NDE1: variants seen among roughly 807,000 people sequenced by gnomAD.
The protein encoded by NDE1 is nudE neurodevelopment protein 1, also known as nuclear distribution protein nudE homolog 1.
A neutral mutation model predicts 43.4 loss-of-function variants in NDE1; 28 were observed. The ratio of observed to expected loss-of-function variants is 0.65; its 90% CI spans 0.48 to 0.89. The LOEUF (loss-of-function observed/expected upper bound fraction) is 0.89, where lower values mean the gene tolerates loss of function less well. NDE1 is among the 40% of genes least tolerant of loss of function. The pLI, the probability that NDE1 is intolerant of heterozygous loss-of-function variation, is 0.00. For synonymous variants in NDE1, 184 were observed against 172.0 expected (o/e 1.07, Z -0.55); for missense variants, 441 against 434.1 (o/e 1.02, Z -0.14).
Position 15,718,448 on chromosome 16 carries a change from G to A in NDE1, c.948-5743G>A, listed in dbSNP as rs757411784. On this transcript the variant is annotated intron_variant, in intron 8 of 8. Coordinates refer to ENST00000396354, the MANE Select transcript of NDE1 (RefSeq NM_017668.3). Reference sequence around the variant, plus strand: ...GTCCTGGAGTGCGTTCCTGGGGGAAGGGCGGCCATGGTGGGGGCCTCTACC... The same window carrying A: ...GTCCTGGAGTGCGTTCCTGGGGGAAAGGCGGCCATGGTGGGGGCCTCTACC... 3 of 1,550,490 alleles carry A rather than the reference G, an allele frequency of 1.9e-6. No individual in the cohort carries two copies. The highest frequency in any genetic ancestry group is 3.8e-5 in the Admixed American group (2 of 52,480).
At chr16:15,692,117 C>G (rs199717122) in intron 6 of NDE1, among the ~76,000 whole-genome samples, 1 of 151,934 alleles carries the variant, frequency 6.6e-6, no homozygotes, top group Admixed American at 6.6e-5. Context: ...TGACAGCTTC[C>G]GATCAGGCCT....
intron 8 of NDE1, chr16:15,719,170 G>A (rs368824547): frequency 1.3e-6 from 2 of 1,532,206 alleles, no homozygotes; most frequent in Non-Finnish European, 1.8e-6. Context: ...GATGCTGCCT[G>A]TCCCCCCATC....
intron 7 of NDE1, 124 bp from the exon 8 acceptor site, chr16:15,696,585 C>G (rs1186668029): frequency 1.9e-6 from 3 of 1,561,644 alleles, no homozygotes; most frequent in Non-Finnish European, 2.6e-6. Flanking sequence ...GGGGTCCCAC[C>G]TTGGAATTCC....
chr16:15,665,525 GCCTCC>G, intron 2 of NDE1, among the ~76,000 whole-genome samples: 1 of 151,352 alleles, frequency 6.6e-6, no homozygotes, highest in Non-Finnish European at 1.5e-5. Context: ...GCTCACTGCA[GCCTCC>G]ACCTCTGGGT....
intron 8 of NDE1, among the ~76,000 whole-genome samples, chr16:15,715,702 T>C (rs1274454597): frequency 1.3e-5 from 2 of 152,128 alleles, no homozygotes; most frequent in African/African-American, 2.4e-5. Flanking sequence ...ATGCCTGCTC[T>C]TCACCCTAGT....
At chr16:15,714,842 A>G in intron 8 of NDE1, 1 of 1,594,080 alleles carries the variant, frequency 6.3e-7, no homozygotes, top group Non-Finnish European at 8.6e-7. Flanking sequence ...GGCCGAAAGG[A>G]GCCCGAGCCC....
chr16:15,667,634 T>TG lies in NDE1; in HGVS notation c.237+195_237+196insG, dbSNP rs1400276402. On this transcript the variant is annotated intron_variant, in intron 3 of 8. Transcript: ENST00000396354. Reference sequence around the variant, plus strand: ...TAGTGGGTGGTGCTTTTTGTTTTGTTTTTTTTTTTTTTTTGAGATGGAGTT... The same window carrying TG: ...TAGTGGGTGGTGCTTTTTGTTTTGTTGTTTTTTTTTTTTTTGAGATGGAGTT... Among the ~76,000 whole-genome samples the TG allele has an allele frequency of 2.3e-4, 30 of 133,290 alleles. 2 individuals carry two copies. Among genetic ancestry groups the TG allele is most frequent in the Admixed American group, 2.6e-4 (3 of 11,632 alleles). The allele number at this position is 133,290 out of a possible 152,430, so 87.4% of individuals were successfully genotyped here.
In NDE1 at chr16:15,703,313, A is replaced by T. The variant is rs2039285410; in HGVS notation, c.947+6453A>T. Reference sequence around the variant, plus strand: ...GTGGAAACCAGGAGAGGGGGAAAGAATTCTCAAAGGCCTGACGTGAGAAGT... The same window carrying T: ...GTGGAAACCAGGAGAGGGGGAAAGATTTCTCAAAGGCCTGACGTGAGAAGT... On this transcript the variant is annotated intron_variant, in intron 8 of 8. Transcript: ENST00000396354. The T allele has an allele frequency of 1.3e-5, 3 of 228,932 alleles. No individual in the cohort carries two copies. In the Admixed American group the frequency reaches 1.6e-4, roughly 12 times the overall value. The allele number at this position is 228,932 out of a possible 1,614,324, so 14.2% of individuals were successfully genotyped here.
At chr16:15,664,073 A>T (rs1417308799) in intron 1 of NDE1, among the ~76,000 whole-genome samples, 1 of 151,974 alleles carries the variant, frequency 6.6e-6, no homozygotes, top group African/African-American at 2.4e-5. Context: ...TGTCTCAAAT[A>T]ATAATTATAA....
intron 3 of NDE1, among the ~76,000 whole-genome samples, chr16:15,676,748 C>T (rs184925472): frequency 6.6e-6 from 1 of 152,138 alleles, no homozygotes; most frequent in Non-Finnish European, 1.5e-5. Flanking sequence ...ACTGCAGCTT[C>T]GACCTCTCAG....
chr16:15,689,024 G>T (rs543090547), intron 5 of NDE1, among the ~76,000 whole-genome samples: 1 of 151,998 alleles, frequency 6.6e-6, no homozygotes, highest in Non-Finnish European at 1.5e-5. Context: ...ACGTCGATTT[G>T]CTTTCTAATG....
At chr16:15,676,225 G>GT (rs34293989) in intron 3 of NDE1, among the ~76,000 whole-genome samples, 87,997 of 118,972 alleles carry the variant, frequency 0.74, 32,538 homozygotes, top group African/African-American at 0.81. Flanking sequence ...TGTTTTTCTG[G>GT]TTTTTTTTTT....
intron 2 of NDE1, among the ~76,000 whole-genome samples, chr16:15,666,106 G>A (rs1047400541): frequency 5.3e-5 from 8 of 152,044 alleles, no homozygotes; most frequent in Non-Finnish European, 1.0e-4. Flanking sequence ...TGCCATATCT[G>A]GTAAGTTCTT....
At position 15,726,035 on chromosome 16, in the gene NDE1, A is replaced by G. The variant is rs113405225; in HGVS notation, c.*1784A>G. ...CTCTCCTAATTTTTCTACTTACCAC[A>G]GGGCCTTTGCACACGCTGTTCCCTC... On this transcript the variant is annotated 3_prime_UTR_variant, in exon 9 of 9. Coordinates refer to ENST00000396354, the MANE Select transcript of NDE1 (RefSeq NM_017668.3). 0.011 allele frequency: 2,569 copies of G among 230,442 alleles called. 72 individuals carry two copies. Among genetic ancestry groups the G allele is most frequent in the African/African-American group, 0.054 (2,397 of 44,092 alleles). 14.3% of individuals were successfully genotyped at this position (230,442 alleles called of 1,614,324 possible). A position where few individuals can be genotyped will look rare whatever the true frequency, so the allele number is the denominator to read the frequency against.
At chr16:15,677,971 A>C (rs781081388) in intron 4 of NDE1, 22 bp downstream of exon 4, 1 of 1,613,756 alleles carries the variant, frequency 6.2e-7, no homozygotes, top group East Asian at 2.2e-5. Context: ...AGGGAAAAGC[A>C]CGAGTGGGAG....
rs747020521 is a variant in NDE1 at position 15,667,332 on chromosome 16, C to T, written c.130C>T (p.Arg44Ter). 7 of 1,613,888 alleles carry T rather than the reference C, an allele frequency of 4.3e-6. No individual in the cohort carries two copies. The highest frequency in any genetic ancestry group is 2.2e-5 in the East Asian group (1 of 44,882). ...EELREFQEGS[R>*]EYEAELETQL... The stretch of plus-strand genomic sequence containing the variant: ...ACTCCGAGAATTCCAGGAGGGAAGC[C>T]GAGAATATGAAGCTGAATTGGAGAC... Residue 44 changes from arginine (R) to a stop codon, truncating the protein, a stop_gained, in exon 3 of 9, where the codon CGA becomes TGA. Coordinates refer to ENST00000396354, the MANE Select transcript of NDE1 (RefSeq NM_017668.3). LOFTEE classifies it high-confidence loss of function.
chr16:15,720,425 G>A, intron 8 of NDE1: 1 of 1,401,132 alleles, frequency 7.1e-7, no homozygotes, highest in Non-Finnish European at 9.8e-7. Flanking sequence ...TTGTGAGGTG[G>A]GCATCTCATC....
At chr16:15,667,650 A>C (rs1420075272) in intron 3 of NDE1, among the ~76,000 whole-genome samples, 2 of 45,032 alleles carry the variant, frequency 4.4e-5, no homozygotes, top group Non-Finnish European at 8.8e-5. Flanking sequence ...TTTTTTTTTG[A>C]GATGGAGTTT....
chr16:15,721,755 T>G, intron 8 of NDE1: 3 of 1,003,364 alleles, frequency 3.0e-6, no homozygotes, highest in Non-Finnish European at 4.6e-6. Flanking sequence ...GTAAGCAGTG[T>G]AGGTTAGCTA....
Sources: gnomAD v4.1 joint callset for allele counts (sites outside exome capture counted in the v4.1 genomes callset) on GRCh38, gnomAD v4.1.1 for gene constraint, MANE v1.5 for transcripts, NCBI Gene and HGNC (gene_info 2026-07-23, HGNC 2026-07-21) for gene names.